NEDD4L: variants seen among roughly 807,000 people sequenced by gnomAD.
NEDD4L encodes NEDD4 like E3 ubiquitin protein ligase, also known as E3 ubiquitin-protein ligase NEDD4-like.
Under a neutral mutation model 148.9 loss-of-function variants are expected in NEDD4L, and 54 were observed. The observed-to-expected ratio is 0.36, with a 90% CI of 0.29 to 0.45. NEDD4L has a LOEUF of 0.45. Among genes scored for constraint, NEDD4L ranks in the 20% least tolerant of loss-of-function variants. NEDD4L has a pLI of 1.00. For missense variants in NEDD4L, 856 were observed against 1,233.8 expected, an observed-to-expected ratio of 0.69 and a Z score of 4.59; for synonymous variants, 433 against 440.7, an observed-to-expected ratio of 0.98 and a Z score of 0.22.
At position 58,315,984 on chromosome 18, in the gene NEDD4L, A is replaced by G. The variant is rs2058218565; in HGVS notation, c.300A>G (p.Thr100=). The stretch of plus-strand genomic sequence containing the variant: ...ACTCTTTGTTCTCTTCCTAACAGAC[A>G]CGAGACGACTTCCTGGGCCAGGTGG... ...LFEVFDENRL[T]RDDFLGQVDV... The change falls in exon 6 of 31, where the codon ACA becomes ACG. Residue 100 remains threonine (T), a splice_region_variant and synonymous_variant. Coordinates refer to ENST00000400345, the MANE Select transcript of NEDD4L (RefSeq NM_001144967.3). 3 of 1,612,986 alleles carry G rather than the reference A, an allele frequency of 1.9e-6. No homozygotes were observed. Among genetic ancestry groups the G allele is most frequent in the Non-Finnish European group, 2.5e-6 (3 of 1,179,048 alleles).
intron 1 of NEDD4L, among the ~76,000 whole-genome samples, chr18:58,059,932 C>T (rs984299372): frequency 1.3e-5 from 2 of 152,018 alleles, no homozygotes; most frequent in African/African-American, 4.8e-5. Flanking sequence ...AACATAAATC[C>T]TCACAATAGC....
intron 5 of NEDD4L, among the ~76,000 whole-genome samples, chr18:58,306,338 GT>G (rs2057058894): frequency 6.6e-6 from 1 of 152,060 alleles, no homozygotes; most frequent in East Asian, 1.9e-4. Flanking sequence ...AATTCCATTT[GT>G]TTTCTCTTTC....
intron 1 of NEDD4L, among the ~76,000 whole-genome samples, chr18:58,060,568 A>G (rs1286957263): frequency 1.3e-5 from 2 of 152,266 alleles, no homozygotes; most frequent in East Asian, 3.9e-4. Flanking sequence ...GGCAGATTCC[A>G]TTGGATTTGG....
At chr18:58,297,072 G>GT (rs2055715644) in intron 5 of NEDD4L, among the ~76,000 whole-genome samples, 1 of 152,228 alleles carries the variant, frequency 6.6e-6, no homozygotes, top group Non-Finnish European at 1.5e-5. Context: ...ATGCAATAGA[G>GT]TGAGAGTCTG....
chr18:58,089,803 G>T (rs78258391), intron 1 of NEDD4L, among the ~76,000 whole-genome samples: 13,086 of 151,798 alleles, frequency 0.086, 680 homozygotes, highest in Admixed American at 0.15. Flanking sequence ...TGTCTTCACG[G>T]GGTCTTTATT....
intron 5 of NEDD4L, among the ~76,000 whole-genome samples, chr18:58,267,192 T>TTAACA (rs2050340310): frequency 6.6e-6 from 1 of 152,080 alleles, no homozygotes; most frequent in Non-Finnish European, 1.5e-5. Context: ...GCTCCTGAAG[T>TTAACA]TAACATAGTT....
intron 1 of NEDD4L, chr18:58,047,411 G>A: frequency 1.0e-6 from 1 of 984,664 alleles, no homozygotes; most frequent in South Asian, 4.7e-5. Flanking sequence ...CACTGCTGAT[G>A]ATGAAGCATT....
intron 5 of NEDD4L, among the ~76,000 whole-genome samples, chr18:58,283,144 C>T (rs917246135): frequency 2.0e-5 from 3 of 152,160 alleles, no homozygotes; most frequent in Non-Finnish European, 4.4e-5. Flanking sequence ...GGTGCGATCT[C>T]AGCTCACTGC....
At chr18:58,192,670 G>A (rs889303063) in intron 2 of NEDD4L, among the ~76,000 whole-genome samples, 3 of 151,060 alleles carry the variant, frequency 2.0e-5, no homozygotes, top group Non-Finnish European at 2.9e-5. Context: ...TGCTGGGTTC[G>A]CTGGTGGTGA....
At chr18:58,092,381 C>T (rs1370173898) in intron 1 of NEDD4L, among the ~76,000 whole-genome samples, 2 of 152,054 alleles carry the variant, frequency 1.3e-5, no homozygotes, top group Non-Finnish European at 2.9e-5. Flanking sequence ...GGAAAGATTG[C>T]CCAGCAACTC....
intron 9 of NEDD4L, among the ~76,000 whole-genome samples, chr18:58,328,081 C>G (rs2059460791): frequency 6.6e-6 from 1 of 152,088 alleles, no homozygotes; most frequent in African/African-American, 2.4e-5. Flanking sequence ...TCTCCTGCCT[C>G]AGCCTCCTGA....
At chr18:58,229,039 G>C (rs78641666) in intron 2 of NEDD4L, among the ~76,000 whole-genome samples, 6 of 152,040 alleles carry the variant, frequency 3.9e-5, no homozygotes, top group African/African-American at 1.5e-4. Flanking sequence ...CCCTGTGCAC[G>C]TGAAGTGCTA....
Position 58,394,188 on chromosome 18 carries a change from G to A in NEDD4L, c.2826-1979G>A, listed in dbSNP as rs1007737849. The stretch of plus-strand genomic sequence containing the variant: ...ACTCACCAAGCACTCTGTTCATTCC[G>A]GGGATGGTGCTCAGCACTTGATGCG... On this transcript the variant is annotated intron_variant, in intron 30 of 30. Coordinates refer to ENST00000400345, the MANE Select transcript of NEDD4L (RefSeq NM_001144967.3). Among the ~76,000 whole-genome samples the A allele has an allele frequency of 4.6e-5, 7 of 152,194 alleles. 1 individual carries two copies. The South Asian group carries it at 6.2e-4, about 13-fold the overall frequency.
Position 58,113,972 on chromosome 18 carries a change from T to C in NEDD4L, c.49-51816T>C, listed in dbSNP as rs192959188. On this transcript the variant is annotated intron_variant, in intron 1 of 30. Coordinates refer to ENST00000400345, the MANE Select transcript of NEDD4L (RefSeq NM_001144967.3). ...GCCTCAGTGCCCACGTTTTCTGTCCTCTGTCCCCTGTGAGGGTATGTGCGC... is the reference window on the plus strand; with the variant it reads ...GCCTCAGTGCCCACGTTTTCTGTCCCCTGTCCCCTGTGAGGGTATGTGCGC... 2.6e-3 allele frequency among the ~76,000 whole-genome samples: 393 copies of C among 152,322 alleles called. 4 individuals are homozygous for C. Among genetic ancestry groups the C allele is most frequent in the African/African-American group, 9.2e-3 (384 of 41,564 alleles).
chr18:58,322,115 C>T (rs2058838066), intron 6 of NEDD4L, among the ~76,000 whole-genome samples: 1 of 152,224 alleles, frequency 6.6e-6, no homozygotes, highest in Non-Finnish European at 1.5e-5. Flanking sequence ...ACCGCTGGTT[C>T]TCCGAAGTGA....
intron 1 of NEDD4L, among the ~76,000 whole-genome samples, chr18:58,140,303 A>C (rs1458924653): frequency 2.6e-5 from 4 of 152,222 alleles, no homozygotes; most frequent in African/African-American, 7.2e-5. Context: ...GATTAAAATC[A>C]TACTTCCTAA....
rs916360663 is a variant in NEDD4L at position 58,351,160 on chromosome 18, T to C, written c.1708+115T>C. The C allele has an allele frequency of 3.3e-6, 5 of 1,523,548 alleles. No homozygotes were observed. In the African/African-American group the frequency reaches 4.1e-5, roughly 13 times the overall value. The allele number at this position is 1,523,548 out of a possible 1,614,324, so 94.4% of individuals were successfully genotyped here. A position where few individuals can be genotyped will look rare whatever the true frequency, so the allele number is the denominator to read the frequency against. On this transcript the variant is annotated intron_variant, in intron 18 of 30. Coordinates refer to ENST00000400345, the MANE Select transcript of NEDD4L (RefSeq NM_001144967.3). Reference sequence around the variant, plus strand: ...TCTTTATCTAGGCAGCCAGGTGTTATGTGGAGAAAATGATACCAGAGAATC... The same window carrying C: ...TCTTTATCTAGGCAGCCAGGTGTTACGTGGAGAAAATGATACCAGAGAATC...
chr18:58,112,915 G>C (rs1474365438), intron 1 of NEDD4L, among the ~76,000 whole-genome samples: 1 of 152,232 alleles, frequency 6.6e-6, no homozygotes, highest in African/African-American at 2.4e-5. Context: ...ATTAGGTCCT[G>C]AGGGTAGAGC....
intron 1 of NEDD4L, among the ~76,000 whole-genome samples, chr18:58,081,037 T>C (rs1393767585): frequency 6.6e-6 from 1 of 152,016 alleles, no homozygotes; most frequent in Non-Finnish European, 1.5e-5. Flanking sequence ...TATATGATAA[T>C]GTTACAGTAA....
Sources: gnomAD v4.1 joint callset for allele counts (sites outside exome capture counted in the v4.1 genomes callset) on GRCh38, gnomAD v4.1.1 for gene constraint, MANE v1.5 for transcripts, NCBI Gene and HGNC (gene_info 2026-07-23, HGNC 2026-07-21) for gene names.